FRMPD4: variants seen among roughly 807,000 people sequenced by gnomAD.
The protein encoded by FRMPD4 is FERM and PDZ domain-containing protein 4.
Under a neutral mutation model 94.1 loss-of-function variants are expected in FRMPD4, and 22 were observed. The observed-to-expected ratio is 0.23, with a 90% CI of 0.17 to 0.33. The LOEUF is 0.33. Ranked by LOEUF, FRMPD4 falls within the 10% of genes least tolerant of loss-of-function variation. The pLI is 1.00. For missense variants in FRMPD4, 1,111 were observed against 1,339.9 expected (o/e 0.83, Z 2.67); for synonymous variants, 631 against 548.6 (o/e 1.15, Z -2.10).
chrX:12,474,703 A>G (rs1465548981), intron 1 of FRMPD4, among the ~76,000 whole-genome samples: 1 of 112,034 alleles, frequency 8.9e-6, no homozygotes, highest in Non-Finnish European at 1.9e-5. Flanking sequence ...ATAAACTAGA[A>G]AATCAGGAAA....
chrX:12,487,066 T>C (rs2057746886), intron 1 of FRMPD4, among the ~76,000 whole-genome samples: 1 of 112,528 alleles, frequency 8.9e-6, no homozygotes, highest in East Asian at 2.8e-4. Context: ...TGGGAAACTA[T>C]GAAAGTTATA....
In FRMPD4 at chrX:12,514,154, C is replaced by G. The variant is rs748103659; in HGVS notation, c.158+15358C>G. On this transcript the variant is annotated intron_variant, in intron 2 of 16. Transcript: ENST00000675598. ...GGGTTTTCTAGATATGGGATCATGT[C>G]GTCTACAAACAGAGACAGTTTGACT... 4.8e-4 allele frequency among the ~76,000 whole-genome samples: 53 copies of G among 111,526 alleles called. 1 individual carries two copies. Among genetic ancestry groups the G allele is most frequent in the Non-Finnish European group, 7.9e-4 (42 of 53,109 alleles).
intron 1 of FRMPD4, among the ~76,000 whole-genome samples, chrX:12,382,694 G>T (rs2148024790): frequency 8.9e-6 from 1 of 111,815 alleles, no homozygotes; most frequent in South Asian, 3.7e-4. Flanking sequence ...TGTGGGGAAT[G>T]ACTTGCCCAG....
intron 3 of FRMPD4, among the ~76,000 whole-genome samples, chrX:12,095,635 C>G (rs994875032): frequency 9.0e-6 from 1 of 111,126 alleles, no homozygotes; most frequent in Admixed American, 9.6e-5. Context: ...AAAAGGTCAT[C>G]AGTTTGGATA....
chrX:11,848,058 TAAAA>T (rs1016966341), intron 1 of FRMPD4, among the ~76,000 whole-genome samples: 105 of 108,276 alleles, frequency 9.7e-4, no homozygotes, highest in Non-Finnish European at 1.5e-3. Flanking sequence ...AAAAAATAAA[TAAAA>T]AAAAGAAAAA....
chrX:12,456,247 C>G (rs904274200), intron 1 of FRMPD4, among the ~76,000 whole-genome samples: 1 of 111,853 alleles, frequency 8.9e-6, no homozygotes, highest in Non-Finnish European at 1.9e-5. Context: ...CTTTCTCCAT[C>G]TCTTTCTCTC....
At chrX:12,339,814 A>G (rs959157177) in intron 1 of FRMPD4, among the ~76,000 whole-genome samples, 6 of 111,205 alleles carry the variant, frequency 5.4e-5, no homozygotes, top group Non-Finnish European at 7.5e-5. Context: ...ACAGGGTTTC[A>G]CCATATTGGC....
At position 12,498,662 on chromosome X, in the gene FRMPD4, T is replaced by A. The variant is rs746914824; in HGVS notation, c.42-18T>A. ...CAGGAGTCAGGTGTAATGATGCTTT[T>A]TTTTTTTTCTTTTCCAGCCACAGGA... On this transcript the variant is annotated intron_variant, in intron 1 of 16. Coordinates refer to ENST00000675598, the MANE Select transcript of FRMPD4 (RefSeq NM_001368397.1). 2 of 961,405 alleles carry A rather than the reference T, an allele frequency of 2.1e-6. No individual in the cohort carries two copies. The highest frequency in any genetic ancestry group is 4.5e-5 in the Admixed American group (2 of 44,708). 79.2% of individuals were successfully genotyped at this position (961,405 alleles called of 1,213,427 possible). A position where few individuals can be genotyped will look rare whatever the true frequency, so the allele number is the denominator to read the frequency against.
intron 1 of FRMPD4, among the ~76,000 whole-genome samples, chrX:11,844,701 GT>G (rs1443722333): frequency 8.9e-6 from 1 of 111,831 alleles, no homozygotes; most frequent in East Asian, 2.8e-4. Context: ...ATTTCTTTGT[GT>G]TTATCTTACT....
At chrX:12,254,672 C>G (rs2054090660) in intron 1 of FRMPD4, among the ~76,000 whole-genome samples, 1 of 111,973 alleles carries the variant, frequency 8.9e-6, no homozygotes, top group African/African-American at 3.2e-5. Flanking sequence ...AGAAAAGAAC[C>G]TCACTTTATT....
chrX:12,154,092 A>G (rs1468680506), intron 1 of FRMPD4, among the ~76,000 whole-genome samples: 1 of 112,696 alleles, frequency 8.9e-6, no homozygotes, highest in Non-Finnish European at 1.9e-5. Context: ...AATATCATCA[A>G]GTGATTCTTG....
Position 12,127,738 on chromosome X carries a change from C to T in FRMPD4, c.95+249720C>T, listed in dbSNP as rs994535120. Among the ~76,000 whole-genome samples the T allele has an allele frequency of 5.3e-5, 6 of 112,207 alleles. No homozygotes were observed. The South Asian group carries it at 1.9e-3, about 35-fold the overall frequency. Reference sequence around the variant, plus strand: ...CATCTGAGACAAGGCAAGTCCCTTCCACCTATAAGCCTGTAAAATAAAAAA... The same window carrying T: ...CATCTGAGACAAGGCAAGTCCCTTCTACCTATAAGCCTGTAAAATAAAAAA... On this transcript the variant is annotated intron_variant, in intron 3 of 18. Transcript: ENST00000640291.
chrX:11,970,218 T>C (rs1399445761), intron 3 of FRMPD4, among the ~76,000 whole-genome samples: 2 of 112,209 alleles, frequency 1.8e-5, no homozygotes, highest in Non-Finnish European at 3.8e-5. Flanking sequence ...TAATAAGCAA[T>C]GATTATCAAC....
chrX:12,669,597 C>A (rs1220667665), intron 4 of FRMPD4, among the ~76,000 whole-genome samples: 1 of 112,001 alleles, frequency 8.9e-6, no homozygotes, highest in Non-Finnish European at 1.9e-5. Context: ...ATACTAATTT[C>A]CAGAGTCTGT....
At chrX:12,537,305 G>A (rs5979644) in intron 2 of FRMPD4, among the ~76,000 whole-genome samples, 2,732 of 111,279 alleles carry the variant, frequency 0.025, 74 homozygotes, top group African/African-American at 0.083. Context: ...CAGTTTCTAA[G>A]AAGAGTCCAG....
At chrX:12,198,917 A>C (rs1323755493) in intron 1 of FRMPD4, among the ~76,000 whole-genome samples, 11 of 112,557 alleles carry the variant, frequency 9.8e-5, no homozygotes, top group Non-Finnish European at 2.1e-4. Flanking sequence ...AGGTTTTATA[A>C]ATGTAAGATA....
chrX:12,166,812 C>A (rs1222843457), intron 1 of FRMPD4, among the ~76,000 whole-genome samples: 1 of 111,982 alleles, frequency 8.9e-6, no homozygotes. Flanking sequence ...TTATCCATTT[C>A]TTCTAGATTT....
chrX:12,421,048 C>T (rs1457134779), intron 1 of FRMPD4, among the ~76,000 whole-genome samples: 4 of 111,762 alleles, frequency 3.6e-5, no homozygotes, highest in Non-Finnish European at 7.5e-5. Flanking sequence ...TATAGGTGTT[C>T]GAAGACATGG....
chrX:12,288,041 A>G (rs1289734890), intron 1 of FRMPD4, among the ~76,000 whole-genome samples: 1 of 111,611 alleles, frequency 9.0e-6, no homozygotes, highest in Admixed American at 9.4e-5. Context: ...CCAAAGTCAG[A>G]CAGAAGGGGT....
Sources: allele counts gnomAD v4.1 joint callset (sites outside exome capture counted in the v4.1 genomes callset), GRCh38; gene constraint gnomAD v4.1.1; transcripts MANE v1.5; gene names NCBI Gene and HGNC (gene_info 2026-07-23, HGNC 2026-07-21).